The following DSP variants were observed in gnomAD, a reference collection of about 807,000 sequenced individuals.
DSP encodes the protein desmoplakin.
A neutral mutation model predicts 290.6 loss-of-function variants in DSP; 114 were observed. The observed-to-expected ratio is 0.39, with a 90% CI of 0.34 to 0.46. The LOEUF (loss-of-function observed/expected upper bound fraction) is 0.46, where lower values mean the gene tolerates loss of function less well. Ranked by LOEUF, DSP falls within the 20% of genes least tolerant of loss-of-function variation. The pLI is 0.99. For synonymous variants in DSP, 1,311 were observed against 1,316.4 expected (o/e 1.00, Z 0.09); for missense variants, 3,230 against 3,495.8 (o/e 0.92, Z 1.92).
intron 1 of DSP, 122 bp downstream of exon 1, chr6:7,542,207 G>A: frequency 7.4e-7 from 1 of 1,356,886 alleles, no homozygotes; most frequent in Non-Finnish European, 1.0e-6. Flanking sequence ...CCCAGGTCCC[G>A]AAAGAACTTC....
chr6:7,578,586 T>C (rs2806229), intron 22 of DSP, 24 bp downstream of exon 22: 2 of 1,578,454 alleles, frequency 1.3e-6, no homozygotes. Context: ...TCTTTTCTTG[T>C]AGCGTCAAAA....
chr6:7,563,870 C>G lies in DSP; in HGVS notation c.777+84C>G, dbSNP rs554474378. ...TCAAGAAATATCAAGCACATCCTGGCGGGGAGGCACCTGTTCATCGATGCT... is the reference window on the plus strand; with the variant it reads ...TCAAGAAATATCAAGCACATCCTGGGGGGGAGGCACCTGTTCATCGATGCT... On this transcript the variant is annotated intron_variant, in intron 6 of 23. Transcript: ENST00000379802. 3 of 1,240,234 alleles carry G rather than the reference C, an allele frequency of 2.4e-6. No homozygotes were observed. In the South Asian group the frequency reaches 3.6e-5, roughly 15 times the overall value. The allele number at this position is 1,240,234 out of a possible 1,614,324, so 76.8% of individuals were successfully genotyped here.
At chr6:7,557,843 T>A (rs1419461032) in intron 2 of DSP, among the ~76,000 whole-genome samples, 2 of 152,206 alleles carry the variant, frequency 1.3e-5, no homozygotes, top group African/African-American at 4.8e-5. Context: ...TGTGTAAATA[T>A]GAAAGATCAG....
At chr6:7,578,038 T>C in intron 21 of DSP, 152 bp downstream of exon 21, 1 of 678,580 alleles carries the variant, frequency 1.5e-6, no homozygotes, top group Non-Finnish European at 2.6e-6. Flanking sequence ...CTTTAAGAGG[T>C]TTAATAGCAG....
At chr6:7,549,210 C>T (rs1758261234) in intron 1 of DSP, among the ~76,000 whole-genome samples, 1 of 151,768 alleles carries the variant, frequency 6.6e-6, no homozygotes, top group African/African-American at 2.4e-5. Context: ...AGGGCAATGG[C>T]GCGATCTCGG....
chr6:7,570,349 G>A, intron 12 of DSP, 88 bp from the exon 13 acceptor site: 1 of 1,597,310 alleles, frequency 6.3e-7, no homozygotes, highest in Non-Finnish European at 8.6e-7. Context: ...GTAGGTTTTT[G>A]TGCAGTGGTG....
intron 17 of DSP, 30 bp downstream of exon 17, chr6:7,574,825 A>C: frequency 9.9e-6 from 16 of 1,614,082 alleles, no homozygotes; most frequent in Non-Finnish European, 1.3e-5. Context: ...CAGTGGCCCA[A>C]CTTACAGGAA....
intron 10 of DSP, 151 bp downstream of exon 10, chr6:7,568,057 A>C: frequency 8.2e-7 from 1 of 1,219,238 alleles, no homozygotes; most frequent in Non-Finnish European, 1.2e-6. Context: ...GGCTTTTCTC[A>C]AAATTAACTT....
chr6:7,575,199 GT>G, intron 17 of DSP, 95 bp from the exon 18 acceptor site: 1 of 1,197,832 alleles, frequency 8.3e-7, no homozygotes, highest in Admixed American at 1.9e-5. Flanking sequence ...ATTCTAAAGT[GT>G]TTTATAAACT....
chr6:7,562,231 A>G (rs1347416925), intron 4 of DSP, among the ~76,000 whole-genome samples: 2 of 152,144 alleles, frequency 1.3e-5, no homozygotes, highest in African/African-American at 4.8e-5. Flanking sequence ...AGTTTGGGGA[A>G]CAGTGTATGA....
chr6:7,544,507 C>T (rs1442081744), intron 1 of DSP, among the ~76,000 whole-genome samples: 2 of 140,902 alleles, frequency 1.4e-5, no homozygotes, highest in African/African-American at 5.3e-5. Context: ...TTTTTTTTAG[C>T]ATGAAAACTA....
Position 7,585,029 on chromosome 6 carries a change from A to G in DSP, c.7767A>G (p.Ser2589=), listed in dbSNP as rs755928079. The change falls in exon 24 of 24, where the codon TCA becomes TCG. Residue 2589 remains serine, a synonymous_variant. Coordinates refer to ENST00000379802, the MANE Select transcript of DSP (RefSeq NM_004415.4). Reference sequence around the variant, plus strand: ...TTTTTAGCAGCTCCCGACATGAATCAGTAAGTAAGATTTCCACCATATCCA... The same window carrying G: ...TTTTTAGCAGCTCCCGACATGAATCGGTAAGTAAGATTTCCACCATATCCA... ...DDVFSSSRHE[S]VSKISTISSV... 2.6e-5 allele frequency: 42 copies of G among 1,614,090 alleles called. No homozygotes were observed. The East Asian group carries it at 9.4e-4, about 36-fold the overall frequency.
chr6:7,573,946 A>ACTGATGTGTTAATTTACTTAC lies in DSP; in HGVS notation c.2131-132_2131-112dup. ...CAAAAAAAGATAACCATGGAAGTTG[A>ACTGATGTGTTAATTTACTTAC]CTGATGTGTTAATTTACTTACCTGA... is the stretch of plus-strand genomic sequence containing the variant. On this transcript the variant is annotated intron_variant, in intron 15 of 23. Coordinates refer to ENST00000379802, the MANE Select transcript of DSP (RefSeq NM_004415.4). The ACTGATGTGTTAATTTACTTAC allele has an allele frequency of 4.3e-6, 4 of 920,280 alleles. No individual in the cohort carries two copies. In the South Asian group the frequency reaches 6.0e-5, roughly 14 times the overall value. 57.0% of individuals were successfully genotyped at this position (920,280 alleles called of 1,614,324 possible).
In DSP at chr6:7,567,108, G is replaced by A. The variant is rs540217080; in HGVS notation, c.1045-246G>A. On this transcript the variant is annotated intron_variant, in intron 8 of 23. Coordinates refer to ENST00000379802, the MANE Select transcript of DSP (RefSeq NM_004415.4). ...TGGTCAGTATCTCTGCTATTTGGGT[G>A]ATACATATTTTGACTAAGACTCCTC... Among the ~76,000 whole-genome samples the A allele has an allele frequency of 7.7e-4, 117 of 152,274 alleles. 1 individual carries two copies. Among genetic ancestry groups the A allele is most frequent in the Middle Eastern group, 3.4e-3 (1 of 294 alleles).
At position 7,577,031 on chromosome 6, in the gene DSP, A is replaced by T. The variant is rs397516928; in HGVS notation, c.2866A>T (p.Asn956Tyr). The change falls in exon 20 of 24, where the codon AAT (asparagine) becomes TAT (tyrosine). Residue 956 changes from asparagine (N) to tyrosine (Y), a missense_variant. Asn to Tyr is a moderately radical substitution (Grantham distance 143). Coordinates refer to ENST00000379802, the MANE Select transcript of DSP (RefSeq NM_004415.4). ...ACAAAAAATTGCTGAACTTTGCGCC[A>T]ATTCAATTAAGGTATGTTGGTTTCA... ...EVQKIAELCA[N>Y]SIKDYELQLA... 43 of 1,611,160 alleles carry T rather than the reference A, an allele frequency of 2.7e-5. No homozygotes were observed. In the East Asian group the frequency reaches 5.6e-4, roughly 21 times the overall value.
At chr6:7,554,609 A>G (rs1758449040) in intron 1 of DSP, among the ~76,000 whole-genome samples, 1 of 152,192 alleles carries the variant, frequency 6.6e-6, no homozygotes, top group Non-Finnish European at 1.5e-5. Flanking sequence ...GATTTTTAAA[A>G]AAAACATTAT....
Position 7,574,226 on chromosome 6 carries a change from T to C in DSP, c.2271T>C (p.Asn757=). 1 of 1,613,998 alleles carries C rather than the reference T, an allele frequency of 6.2e-7. No individual in the cohort carries two copies. Among genetic ancestry groups the C allele is most frequent in the Non-Finnish European group, 8.5e-7 (1 of 1,179,950 alleles). Residue 757 remains asparagine (N), a synonymous_variant, in exon 16 of 24, where the codon AAT becomes AAC. Transcript: ENST00000379802. ...FGLFQKLENI[N]GVTDGYLNSL... ...TATTTCAGAAACTGGAAAATATCAATGGTGTTACAGATGGCTACTTAAATA... is the reference window on the plus strand; with the variant it reads ...TATTTCAGAAACTGGAAAATATCAACGGTGTTACAGATGGCTACTTAAATA...
In DSP at chr6:7,541,844, C is replaced by T; in HGVS notation, c.-72C>T. ...CGGCCGTCCGCCTATCCTTGGCCCCCTCCGCTTTCTCCGCGCCGGCCCGCC... is the reference window on the plus strand; with the variant it reads ...CGGCCGTCCGCCTATCCTTGGCCCCTTCCGCTTTCTCCGCGCCGGCCCGCC... On this transcript the variant is annotated 5_prime_UTR_variant, in exon 1 of 24. Transcript: ENST00000379802. 3 of 1,523,638 alleles carry T rather than the reference C, an allele frequency of 2.0e-6. No homozygotes were observed. Among genetic ancestry groups the T allele is most frequent in the Non-Finnish European group, 2.6e-6 (3 of 1,134,726 alleles). The allele number at this position is 1,523,638 out of a possible 1,614,324, so 94.4% of individuals were successfully genotyped here. A position where few individuals can be genotyped will look rare whatever the true frequency, so the allele number is the denominator to read the frequency against.
Position 7,565,257 on chromosome 6 carries a change from A to AT in DSP, c.778-92dup, listed in dbSNP as rs35266991. The AT allele has an allele frequency of 0.37, 485,480 of 1,327,854 alleles. 68,674 individuals carry two copies. The highest frequency in any genetic ancestry group is 0.57 in the African/African-American group (38,023 of 66,736). The allele number at this position is 1,327,854 out of a possible 1,614,324, so 82.3% of individuals were successfully genotyped here. A position where few individuals can be genotyped will look rare whatever the true frequency, so the allele number is the denominator to read the frequency against. ...GGTTAACATTTTTCCTATCCGTGTG[A>AT]TTTTTTTTTTAAAGGGACCACAGGT... On this transcript the variant is annotated intron_variant, in intron 6 of 23. Coordinates refer to ENST00000379802, the MANE Select transcript of DSP (RefSeq NM_004415.4). The surrounding 1 kb of genome is among the most constrained non-coding windows in gnomAD (Gnocchi z 4.2).
Sources: allele counts gnomAD v4.1 joint callset (sites outside exome capture counted in the v4.1 genomes callset), GRCh38; gene constraint gnomAD v4.1.1; non-coding constraint Gnocchi (gnomAD v3.1); transcripts MANE v1.5; gene names NCBI Gene and HGNC (gene_info 2026-07-23, HGNC 2026-07-21).